The following RIGI variants were observed in gnomAD, a reference collection of about 807,000 sequenced individuals.
The protein encoded by RIGI is antiviral innate immune response receptor RIG-I.
At chr9:32,489,930 A>C in the RIGI span, among the ~76,000 whole-genome samples, 1 of 152,240 alleles carries the variant, frequency 6.6e-6, no homozygotes, top group Non-Finnish European at 1.5e-5. Flanking sequence ...AGAAGTTTTA[A>C]AAAATAATCA....
At chr9:32,492,664 G>A in the RIGI span, 1 of 1,096,656 alleles carries the variant, frequency 9.1e-7, no homozygotes, top group Non-Finnish European at 1.3e-6. Flanking sequence ...AGCTCAGTGG[G>A]TCATATCCAT....
At chr9:32,456,989 C>G in the RIGI span, 2 of 692,372 alleles carry the variant, frequency 2.9e-6, no homozygotes, top group Non-Finnish European at 4.8e-6. Context: ...TAATATAGTA[C>G]AAACTGCTAA....
the RIGI span, among the ~76,000 whole-genome samples, chr9:32,462,008 T>C: frequency 1.3e-5 from 2 of 152,240 alleles, no homozygotes; most frequent in African/African-American, 4.8e-5. Context: ...CCCAGTAAAA[T>C]TTTTTTATTT....
the RIGI span, among the ~76,000 whole-genome samples, chr9:32,490,834 G>C: frequency 1.3e-5 from 2 of 152,174 alleles, no homozygotes; most frequent in Admixed American, 1.3e-4. Flanking sequence ...AAACGACACA[G>C]GCTGGATCTC....
chr9:32,487,946 T>C, the RIGI span: 1 of 1,613,784 alleles, frequency 6.2e-7, no homozygotes. Context: ...TGGAGATACC[T>C]GGGGCAGTGG....
the RIGI span, chr9:32,488,856 T>C: frequency 1.9e-6 from 3 of 1,610,844 alleles, no homozygotes; most frequent in Non-Finnish European, 2.5e-6. Context: ...GATGTTCACA[T>C]ATAAGCAGTG....
the RIGI span, among the ~76,000 whole-genome samples, chr9:32,522,875 T>C: frequency 1.3e-5 from 2 of 152,164 alleles, no homozygotes; most frequent in South Asian, 4.1e-4. Flanking sequence ...CGAATAAACA[T>C]GGAAATTGAC....
chr9:32,516,431 G>T, the RIGI span, among the ~76,000 whole-genome samples: 8 of 152,238 alleles, frequency 5.3e-5, no homozygotes, highest in Middle Eastern at 3.4e-3. Context: ...GATTTTTGTG[G>T]CTGGGTTGCT....
At chr9:32,520,450 T>C in the RIGI span, among the ~76,000 whole-genome samples, 3 of 152,030 alleles carry the variant, frequency 2.0e-5, no homozygotes, top group Non-Finnish European at 4.4e-5. Context: ...GACTCCTGGA[T>C]CCAAAAAAGA....
chr9:32,502,316 T>G, the RIGI span, among the ~76,000 whole-genome samples: 1 of 152,270 alleles, frequency 6.6e-6, no homozygotes, highest in Non-Finnish European at 1.5e-5. Context: ...GCTATGAACA[T>G]TCATGAGCAA....
chr9:32,482,833 T>A, the RIGI span, among the ~76,000 whole-genome samples: 1 of 151,330 alleles, frequency 6.6e-6, no homozygotes. Context: ...TACTCCAGCC[T>A]GGCGACAGAG....
the RIGI span, chr9:32,466,456 A>T: frequency 6.3e-7 from 1 of 1,585,020 alleles, no homozygotes. Flanking sequence ...TAGAAAATAA[A>T]TATTTTAGTT....
the RIGI span, among the ~76,000 whole-genome samples, chr9:32,502,760 A>G: frequency 6.6e-6 from 1 of 151,892 alleles, no homozygotes; most frequent in Admixed American, 6.6e-5. Context: ...ACTCCCTCCA[A>G]CTTTGCCTTC....
chr9:32,497,267 T>C, the RIGI span, among the ~76,000 whole-genome samples: 7 of 152,208 alleles, frequency 4.6e-5, no homozygotes, highest in Non-Finnish European at 1.0e-4. Context: ...TTGGTTAGGT[T>C]TCTTCCTAAG....
the RIGI span, chr9:32,489,555 C>A: frequency 1.6e-5 from 9 of 569,344 alleles, no homozygotes; most frequent in African/African-American, 1.2e-4. Context: ...GCAAGAAGAT[C>A]CTCATTGGAG....
the RIGI span, chr9:32,498,192 G>T: frequency 5.5e-5 from 24 of 440,292 alleles, no homozygotes; most frequent in East Asian, 1.6e-3. Context: ...GATGTGCAGT[G>T]AGAGTTTTCA....
chr9:32,471,751 G>C, the RIGI span, among the ~76,000 whole-genome samples: 1 of 152,162 alleles, frequency 6.6e-6, no homozygotes, highest in Non-Finnish European at 1.5e-5. Flanking sequence ...ACTTGTGGAG[G>C]AACAACAAAG....
the RIGI span, among the ~76,000 whole-genome samples, chr9:32,460,117 G>A: frequency 4.6e-5 from 7 of 152,290 alleles, no homozygotes; most frequent in East Asian, 3.9e-4. Flanking sequence ...GTTTATCAGC[G>A]TTTCCACTTT....
the RIGI span, among the ~76,000 whole-genome samples, chr9:32,524,596 G>GTTTTTTTTTTTTTTTTTTTTTTTTTTTTT: frequency 8.9e-5 from 6 of 67,580 alleles, 2 homozygotes; most frequent in African/African-American, 3.6e-4. Flanking sequence ...TTGTTTTTCG[G>GTTTTTTTTTTTTTTTTTTTTTTTTTTTTT]TTTTTTTTTT....
Sources: gnomAD v4.1 joint callset for allele counts (sites outside exome capture counted in the v4.1 genomes callset) on GRCh38, gnomAD v4.1.1 for gene constraint, MANE v1.5 for transcripts, NCBI Gene and HGNC (gene_info 2026-07-23, HGNC 2026-07-21) for gene names.